Variants in PRKX observed in about 807,000 individuals in gnomAD.
The protein encoded by PRKX is cAMP-dependent protein kinase catalytic subunit PRKX.
PRKX carries 12 observed loss-of-function variants against 22.0 expected under a neutral mutation model. The observed-to-expected ratio is 0.54, with a 90% CI of 0.35 to 0.88. The LOEUF (loss-of-function observed/expected upper bound fraction) is 0.88. PRKX is among the 40% of genes least tolerant of loss of function. PRKX has a pLI of 0.01. For missense variants in PRKX, 217 were observed against 308.0 expected, an observed-to-expected ratio of 0.70 and a Z score of 2.21; for synonymous variants, 134 against 137.7, an observed-to-expected ratio of 0.97 and a Z score of 0.19.
rs1295998588 is a variant in PRKX, at chrX:3,679,513, CAA to C, written c.167-4749_167-4748del. 5.3e-5 allele frequency among the ~76,000 whole-genome samples: 6 copies of C among 112,471 alleles called. No individual in the cohort carries two copies. The East Asian group carries it at 1.7e-3, about 31-fold the overall frequency. On this transcript the variant is annotated intron_variant, in intron 1 of 8. Coordinates refer to ENST00000262848, the MANE Select transcript of PRKX (RefSeq NM_005044.5). The stretch of plus-strand genomic sequence containing the variant: ...GCTAAAGCTAAAGGCTCTGAATACT[CAA>C]AGTGTCTTCATCAACACACCTGGCC...
rs1926314032 is a variant in PRKX at position 3,612,328 on chromosome X, G to A, written c.952-3C>T. On this transcript the variant is annotated splice_polypyrimidine_tract_variant and splice_region_variant and intron_variant, in intron 7 of 8. Coordinates refer to ENST00000262848, the MANE Select transcript of PRKX (RefSeq NM_005044.5). ...GCTATCTTGGGCACGATGGGAGGCTGTGAGACATGGCCGAAGCACAAAGGC... is the reference window on the plus strand; with the variant it reads ...GCTATCTTGGGCACGATGGGAGGCTATGAGACATGGCCGAAGCACAAAGGC... The A allele has an allele frequency of 1.1e-5, 13 of 1,205,753 alleles. No individual in the cohort carries two copies. Among genetic ancestry groups the A allele is most frequent in the Non-Finnish European group, 7.8e-6 (7 of 893,664 alleles).
At chrX:3,689,055 T>C (rs1391676647) in intron 1 of PRKX, among the ~76,000 whole-genome samples, 2 of 112,155 alleles carry the variant, frequency 1.8e-5, no homozygotes, top group Non-Finnish European at 3.8e-5. Flanking sequence ...TTCTCACCTT[T>C]TAAAATTTAT....
At chrX:3,612,351 G>A (rs1217112203) in intron 7 of PRKX, 26 bp from the exon 8 acceptor site, 3 of 1,200,380 alleles carry the variant, frequency 2.5e-6, no homozygotes, top group Non-Finnish European at 2.2e-6. Flanking sequence ...GAAGCACAAA[G>A]GCATGGTTAG....
At chrX:3,647,838 C>T (rs1312557702) in intron 3 of PRKX, among the ~76,000 whole-genome samples, 6 of 109,375 alleles carry the variant, frequency 5.5e-5, no homozygotes, top group Admixed American at 2.0e-4. Flanking sequence ...CTTCATCATT[C>T]CAAACAGAAA....
chrX:3,692,526 AC>A (rs1928352623), intron 1 of PRKX, among the ~76,000 whole-genome samples: 1 of 98,248 alleles, frequency 1.0e-5, no homozygotes, highest in African/African-American at 3.6e-5. Flanking sequence ...AAGCAACTGA[AC>A]TTTTTTTTTT....
intron 5 of PRKX, among the ~76,000 whole-genome samples, chrX:3,622,759 T>C (rs1451891909): frequency 9.0e-6 from 1 of 111,524 alleles, no homozygotes; most frequent in Admixed American, 9.6e-5. Flanking sequence ...ATGGGGAATA[T>C]AAAAATCACC....
At chrX:3,611,104 C>T (rs758925979) in intron 8 of PRKX, 4 of 112,024 alleles carry the variant, frequency 3.6e-5, no homozygotes, top group Non-Finnish European at 7.5e-5. Flanking sequence ...GTTATCTTCT[C>T]GAGGTCATAG....
At chrX:3,613,126 G>C (rs1926333356) in intron 7 of PRKX, among the ~76,000 whole-genome samples, 1 of 70,481 alleles carries the variant, frequency 1.4e-5, no homozygotes, top group South Asian at 1.0e-3. Flanking sequence ...ACTCCAGCCT[G>C]GGCAACGGAG....
Position 3,605,066 on chromosome X carries a change from A to G in PRKX, c.*3903T>C, listed in dbSNP as rs2146965345. 1 of 105,198 alleles carries G rather than the reference A, an allele frequency of 9.5e-6. No individual in the cohort carries two copies. The highest frequency in any genetic ancestry group is 4.5e-4 in the South Asian group (1 of 2,226). 8.7% of individuals were successfully genotyped at this position (105,198 alleles called of 1,213,427 possible). A position where few individuals can be genotyped will look rare whatever the true frequency, so the allele number is the denominator to read the frequency against. On this transcript the variant is annotated 3_prime_UTR_variant, in exon 9 of 9. Transcript: ENST00000262848. The stretch of plus-strand genomic sequence containing the variant: ...ACACACACACACACACACACCCCGC[A>G]AAGAAACTATCCAAATGCATTAAGA...
chrX:3,615,235 T>A (rs1462192621), intron 7 of PRKX, among the ~76,000 whole-genome samples: 1 of 110,080 alleles, frequency 9.1e-6, no homozygotes, highest in Admixed American at 9.8e-5. Flanking sequence ...CCCAGGCTAG[T>A]CTCAAACTCG....
At chrX:3,615,167 T>C (rs1196543193) in intron 7 of PRKX, among the ~76,000 whole-genome samples, 2 of 108,999 alleles carry the variant, frequency 1.8e-5, no homozygotes, top group Non-Finnish European at 3.8e-5. Flanking sequence ...CACAAGCATA[T>C]GCCACCACGC....
intron 5 of PRKX, 44 bp from the exon 6 acceptor site, chrX:3,621,360 A>G (rs766335180): frequency 5.1e-5 from 54 of 1,061,974 alleles, no homozygotes; most frequent in Admixed American, 1.8e-4. Flanking sequence ...TACACAGATT[A>G]TATATCAACA....
intron 5 of PRKX, among the ~76,000 whole-genome samples, chrX:3,622,316 TAC>T (rs1421088685): frequency 2.7e-5 from 3 of 111,076 alleles, no homozygotes; most frequent in Admixed American, 9.7e-5. Context: ...ACACATAAAA[TAC>T]ACAGAGTACA....
rs781479638 is a variant in PRKX, at chrX:3,608,347, T to C, written c.*622A>G. On this transcript the variant is annotated 3_prime_UTR_variant, in exon 9 of 9. Transcript: ENST00000262848. Reference sequence around the variant, plus strand: ...GTTACCAGGTAAGAAGCACTAAAGATACTGAAGGTAGACCTCCCCATGATA... The same window carrying C: ...GTTACCAGGTAAGAAGCACTAAAGACACTGAAGGTAGACCTCCCCATGATA... The C allele has an allele frequency of 1.2e-3, 129 of 110,582 alleles. No homozygotes were observed. Among genetic ancestry groups the C allele is most frequent in the African/African-American group, 4.1e-3 (124 of 30,445 alleles). 9.1% of individuals were successfully genotyped at this position (110,582 alleles called of 1,213,427 possible). A position where few individuals can be genotyped will look rare whatever the true frequency, so the allele number is the denominator to read the frequency against.
intron 1 of PRKX, among the ~76,000 whole-genome samples, chrX:3,704,021 C>T (rs1409557120): frequency 3.6e-5 from 4 of 111,068 alleles, no homozygotes. Flanking sequence ...AATGCAAATG[C>T]CAACTGGACT....
At chrX:3,700,737 C>G (rs1053159191) in intron 1 of PRKX, among the ~76,000 whole-genome samples, 14 of 83,755 alleles carry the variant, frequency 1.7e-4, no homozygotes, top group African/African-American at 7.2e-4. Flanking sequence ...TGCCACCACG[C>G]CCAGCTAATT....
rs1376295806 is a variant in PRKX, at chrX:3,634,252, G to GA, written c.719+7599dup. Among the ~76,000 whole-genome samples, 11 of 106,932 alleles carry GA rather than the reference G, an allele frequency of 1.0e-4. 1 individual carries two copies. The highest frequency in any genetic ancestry group is 8.1e-4 in the Admixed American group (8 of 9,893). The allele number at this position is 106,932 out of a possible 115,157, so 92.9% of individuals were successfully genotyped here. ...GTGACAGAGCAGGGGTCCCTCTAAA[G>GA]AAAAAAAATAATAATAATTAATAAA... On this transcript the variant is annotated intron_variant, in intron 4 of 8. Transcript: ENST00000262848.
intron 1 of PRKX, among the ~76,000 whole-genome samples, chrX:3,711,574 C>A (rs1162365722): frequency 1.8e-5 from 2 of 112,159 alleles, no homozygotes; most frequent in Non-Finnish European, 3.8e-5. Context: ...GTGCTGAGTG[C>A]CAAGGAACGG....
chrX:3,672,483 C>T (rs182595963), intron 2 of PRKX, among the ~76,000 whole-genome samples: 219 of 111,006 alleles, frequency 2.0e-3, no homozygotes, highest in Middle Eastern at 9.3e-3. Flanking sequence ...TTTTAACTTG[C>T]GGGAGCTCAA....
Sources: allele counts gnomAD v4.1 joint callset (sites outside exome capture counted in the v4.1 genomes callset), GRCh38; gene constraint gnomAD v4.1.1; transcripts MANE v1.5; gene names NCBI Gene and HGNC (gene_info 2026-07-23, HGNC 2026-07-21).